The following SLA2 variants were observed in gnomAD, a reference collection of about 807,000 sequenced individuals.
SLA2 encodes the protein src-like-adapter 2.
Under a neutral mutation model 27.3 loss-of-function variants are expected in SLA2, and 22 were observed. The ratio of observed to expected loss-of-function variants is 0.81; its 90% CI spans 0.58 to 1.15. The LOEUF (loss-of-function observed/expected upper bound fraction) is 1.15, where lower values mean the gene tolerates loss of function less well. SLA2 is among the 50% of genes most tolerant of loss of function. The probability of loss-of-function intolerance (pLI) is 0.00; values close to 1 mark genes in which losing one functional copy is unlikely to be tolerated. For missense variants in SLA2, 304 were observed against 322.2 expected (o/e 0.94, Z 0.43); for synonymous variants, 131 against 137.8 (o/e 0.95, Z 0.34).
chr20:36,645,576 G>A (rs1978287414), intron 1 of SLA2, among the ~76,000 whole-genome samples: 1 of 152,150 alleles, frequency 6.6e-6, no homozygotes, highest in Non-Finnish European at 1.5e-5. Context: ...ACCTGAGATG[G>A]GACTAGGACG....
At chr20:36,624,528 G>C (rs540887719) in intron 5 of SLA2, among the ~76,000 whole-genome samples, 1 of 152,300 alleles carries the variant, frequency 6.6e-6, no homozygotes, top group African/African-American at 2.4e-5. Context: ...TCATACTGCA[G>C]AATCTCGTGT....
At chr20:36,618,295 G>A (rs2039238797) in intron 5 of SLA2, among the ~76,000 whole-genome samples, 1 of 152,064 alleles carries the variant, frequency 6.6e-6, no homozygotes, top group African/African-American at 2.4e-5. Flanking sequence ...GGAGTGCAGT[G>A]GCATGATCTT....
At chr20:36,619,618 CTG>C (rs2039257923) in intron 5 of SLA2, among the ~76,000 whole-genome samples, 1 of 150,866 alleles carries the variant, frequency 6.6e-6, no homozygotes, top group South Asian at 2.1e-4. Context: ...CTTCCCATGT[CTG>C]TACAAATTTT....
At position 36,632,628 on chromosome 20, in the gene SLA2, C is replaced by T. The variant is rs1190668272; in HGVS notation, c.349G>A (p.Ala117Thr). Reference sequence around the variant, plus strand: ...GTCTGGCTCTCCCGGATGAGGAAGGCCCCTCCAGGGTTCCCAGGTAACAAC... The same window carrying T: ...GTCTGGCTCTCCCGGATGAGGAAGGTCCCTCCAGGGTTCCCAGGTAACAAC... ...LLLLPGNPGG[A>T]FLIRESQTRR... Residue 117 changes from alanine (A) to threonine (T), a missense_variant, in exon 5 of 8, where the codon GCC becomes ACC. By Grantham distance (58) the Ala-to-Thr change is moderately conservative. Coordinates refer to ENST00000262866, the MANE Select transcript of SLA2 (RefSeq NM_032214.4). 1.2e-5 allele frequency: 20 copies of T among 1,614,096 alleles called. No individual in the cohort carries two copies. Among genetic ancestry groups the T allele is most frequent in the Middle Eastern group, 3.3e-4 (2 of 6,084 alleles).
intron 1 of SLA2, among the ~76,000 whole-genome samples, chr20:36,644,464 C>T (rs972048664): frequency 5.3e-5 from 8 of 152,224 alleles, no homozygotes; most frequent in Non-Finnish European, 7.3e-5. Flanking sequence ...TTTCCTTTCC[C>T]CTCCTTCAGG....
At chr20:36,638,072 T>C (rs1027542551) in intron 2 of SLA2, among the ~76,000 whole-genome samples, 12 of 151,726 alleles carry the variant, frequency 7.9e-5, no homozygotes, top group African/African-American at 2.9e-4. Context: ...TTTGTATTTT[T>C]AGTAGAGACG....
chr20:36,640,266 T>C (rs2039493088), intron 2 of SLA2, among the ~76,000 whole-genome samples: 4 of 152,184 alleles, frequency 2.6e-5, no homozygotes. Context: ...TTCACTGCAC[T>C]CCAGCCTGGG....
At chr20:36,631,184 G>T (rs1016427749) in intron 5 of SLA2, among the ~76,000 whole-genome samples, 24 of 152,154 alleles carry the variant, frequency 1.6e-4, no homozygotes, top group African/African-American at 5.6e-4. Flanking sequence ...ATGGAGTCTG[G>T]CTCTGTTGCC....
chr20:36,635,631 G>A (rs558559649), intron 2 of SLA2, among the ~76,000 whole-genome samples: 31 of 152,190 alleles, frequency 2.0e-4, no homozygotes, highest in African/African-American at 7.2e-4. Context: ...GCTCCCCAGG[G>A]GTCTGTCCTC....
In SLA2 at chr20:36,633,643, G is replaced by C; in HGVS notation, c.192-14C>G. 1 of 1,609,140 alleles carries C rather than the reference G, an allele frequency of 6.2e-7. No homozygotes were observed. Among genetic ancestry groups the C allele is most frequent in the Non-Finnish European group, 8.5e-7 (1 of 1,175,714 alleles). ...CAGTCTCCATCCCTGGAGAGAGAAA[G>C]GAGTGGGGGCACCTCTTTCAGATGA... On this transcript the variant is annotated splice_polypyrimidine_tract_variant and intron_variant, in intron 3 of 7. Coordinates refer to ENST00000262866, the MANE Select transcript of SLA2 (RefSeq NM_032214.4).
chr20:36,633,845 G>A (rs769219960), intron 3 of SLA2, among the ~76,000 whole-genome samples: 6 of 151,692 alleles, frequency 4.0e-5, no homozygotes, highest in South Asian at 2.1e-4. Context: ...GCTACAGGGC[G>A]CTGCCCACCC....
At chr20:36,618,873 C>T (rs2039245034) in intron 5 of SLA2, among the ~76,000 whole-genome samples, 1 of 117,454 alleles carries the variant, frequency 8.5e-6, no homozygotes, top group African/African-American at 3.3e-5. Flanking sequence ...TACCATTTCA[C>T]TACAGCCTAG....
intron 5 of SLA2, among the ~76,000 whole-genome samples, chr20:36,622,732 TC>T (rs2039297368): frequency 6.6e-6 from 1 of 152,160 alleles, no homozygotes; most frequent in Admixed American, 6.6e-5. Flanking sequence ...AGTAGCATCT[TC>T]CTGTCTCTAA....
chr20:36,615,037 C>T, intron 6 of SLA2, 188 bp downstream of exon 6: 3 of 985,354 alleles, frequency 3.0e-6, no homozygotes, highest in Non-Finnish European at 3.6e-6. Context: ...GCTTTTCTGC[C>T]AGGGCACGAG....
At chr20:36,634,424 C>T in intron 3 of SLA2, 66 bp downstream of exon 3, 1 of 1,238,796 alleles carries the variant, frequency 8.1e-7, no homozygotes, top group Non-Finnish European at 1.1e-6. Flanking sequence ...GCTAGCGCTA[C>T]AGGCACACAC....
intron 5 of SLA2, among the ~76,000 whole-genome samples, chr20:36,619,288 G>A (rs1335431128): frequency 6.6e-6 from 1 of 150,882 alleles, no homozygotes; most frequent in Non-Finnish European, 1.5e-5. Context: ...CACTTTGGGA[G>A]GCTAAGGTGG....
At chr20:36,642,202 C>T (rs1217383815) in intron 1 of SLA2, among the ~76,000 whole-genome samples, 1 of 5,550 alleles carries the variant, frequency 1.8e-4, no homozygotes, top group African/African-American at 7.1e-4. Flanking sequence ...AAAAAAGGAC[C>T]GTGGGTTGTA....
In SLA2 at chr20:36,632,692, C is replaced by T. The variant is rs1439727481; in HGVS notation, c.285G>A (p.Leu95=). The change falls in exon 5 of 8, where the codon CTG becomes CTA. Residue 95 remains leucine, a synonymous_variant. Coordinates refer to ENST00000262866, the MANE Select transcript of SLA2 (RefSeq NM_032214.4). Reference sequence around the variant, plus strand: ...CTTTCTCCCTGCTCAGGCCCTCATACAGCCACCTGGCGGAGCGAAAGAGAG... The same window carrying T: ...CTTTCTCCCTGCTCAGGCCCTCATATAGCCACCTGGCGGAGCGAAAGAGAG... ...VHVAKVSHGW[L]YEGLSREKAE... The T allele has an allele frequency of 6.2e-7, 1 of 1,613,856 alleles. No individual in the cohort carries two copies. Among genetic ancestry groups the T allele is most frequent in the South Asian group, 1.1e-5 (1 of 91,054 alleles).
At position 36,613,927 on chromosome 20, in the gene SLA2, C is replaced by T. The variant is rs770823009; in HGVS notation, c.725G>A (p.Arg242Gln). ...GEESLLSEGL[R>Q]ESLSFYISLN... is the part of the protein sequence containing the mutation. ...GCTGATGTAGAAGCTGAGGGACTCC[C>T]GGAGACCCTCACTGAGAAGAGACTC... Residue 242 changes from arginine (R) to glutamine (Q), a missense_variant, in exon 8 of 8, where the codon CGG becomes CAG. Physicochemically the swap from Arg to Gln is conservative, Grantham distance 43. Coordinates refer to ENST00000262866, the MANE Select transcript of SLA2 (RefSeq NM_032214.4). The T allele has an allele frequency of 2.0e-5, 33 of 1,613,616 alleles. No homozygotes were observed. Among genetic ancestry groups the T allele is most frequent in the Middle Eastern group, 3.3e-4 (2 of 6,082 alleles).
Sources: allele counts gnomAD v4.1 joint callset (sites outside exome capture counted in the v4.1 genomes callset), GRCh38; gene constraint gnomAD v4.1.1; transcripts MANE v1.5; gene names NCBI Gene and HGNC (gene_info 2026-07-23, HGNC 2026-07-21).